Variants in TESMIN observed in about 807,000 individuals in gnomAD.
The protein encoded by TESMIN is testis expressed metallothionein like protein.
TESMIN carries 34 observed loss-of-function variants against 47.4 expected under a neutral mutation model. That is an observed-to-expected ratio of 0.72 (90% CI 0.55 to 0.96). The LOEUF (loss-of-function observed/expected upper bound fraction) is 0.96. TESMIN is among the 40% of genes least tolerant of loss of function. The probability of loss-of-function intolerance (pLI) is 0.00; values close to 1 mark genes in which losing one functional copy is unlikely to be tolerated. For synonymous variants in TESMIN, 278 were observed against 258.9 expected (o/e 1.07, Z -0.71); for missense variants, 610 against 637.2 (o/e 0.96, Z 0.46).
chr11:68,715,212 A>G (rs1946122847), intron 7 of TESMIN, among the ~76,000 whole-genome samples: 1 of 152,204 alleles, frequency 6.6e-6, no homozygotes. Context: ...GTAGGTTGAC[A>G]GCCTTGAGCC....
In TESMIN at chr11:68,710,971, T is replaced by C. The variant is rs1268758493; in HGVS notation, c.1237A>G (p.Met413Val). The change falls in exon 9 of 10, where the codon ATG (methionine) becomes GTG (valine). Residue 413 changes from methionine (M) to valine (V), a missense_variant. Physicochemically the swap from Met to Val is conservative, Grantham distance 21. Coordinates refer to ENST00000255087, the MANE Select transcript of TESMIN (RefSeq NM_004923.3). ...YEESPERKTLMSMPNYMQTGG... is the reference protein window; with the variant it reads ...YEESPERKTLVSMPNYMQTGG... ...GTCTGCATGTAGTTTGGCATGCTCA[T>C]TAGTGTCTTTCGTTCTGGGCTTTCT... 2 of 1,614,040 alleles carry C rather than the reference T, an allele frequency of 1.2e-6. No individual in the cohort carries two copies. Among genetic ancestry groups the C allele is most frequent in the Non-Finnish European group, 1.7e-6 (2 of 1,179,898 alleles).
chr11:68,733,036 G>GC (rs1170420319), intron 6 of TESMIN: 3 of 152,302 alleles, frequency 2.0e-5, no homozygotes. Context: ...AAAGTGAGCA[G>GC]CCCACAGCAA....
chr11:68,726,006 T>C (rs2153991383), intron 6 of TESMIN, among the ~76,000 whole-genome samples: 1 of 152,204 alleles, frequency 6.6e-6, no homozygotes, highest in South Asian at 2.1e-4. Context: ...AGGCGCTGGT[T>C]TTAACTGCTG....
intron 4 of TESMIN, among the ~76,000 whole-genome samples, chr11:68,743,234 C>CTT (rs57435562): frequency 0.046 from 5,712 of 122,928 alleles, 190 homozygotes; most frequent in South Asian, 0.089. Flanking sequence ...ACAGGAACTA[C>CTT]TTTTTTTTTT....
chr11:68,744,752 C>CA (rs1946497345), intron 4 of TESMIN: 2 of 310,218 alleles, frequency 6.4e-6, no homozygotes, highest in South Asian at 1.5e-4. Flanking sequence ...ACAAAGCTCT[C>CA]AGCAGCTAGG....
At chr11:68,747,063 C>A in intron 3 of TESMIN, 145 bp downstream of exon 3, 1 of 789,050 alleles carries the variant, frequency 1.3e-6, no homozygotes, top group East Asian at 2.6e-5. Context: ...GCTCATGTCC[C>A]TGTTTTGCTA....
intron 6 of TESMIN, among the ~76,000 whole-genome samples, chr11:68,729,669 T>C (rs562314483): frequency 6.6e-6 from 1 of 152,304 alleles, no homozygotes; most frequent in South Asian, 2.1e-4. Flanking sequence ...AATTGTTTCA[T>C]TACCATGATA....
At chr11:68,710,635 A>C in intron 9 of TESMIN, 1 of 486,142 alleles carries the variant, frequency 2.1e-6, no homozygotes, top group Non-Finnish European at 3.6e-6. Context: ...GGAGTAACTC[A>C]GACAGTGAGG....
At position 68,711,047 on chromosome 11, in the gene TESMIN, G is replaced by A. The variant is rs745657318; in HGVS notation, c.1161C>T (p.Ala387=). Residue 387 remains alanine, a splice_region_variant and synonymous_variant, in exon 9 of 10, where the codon GCC becomes GCT. Transcript: ENST00000255087. ...TGCAAATAGAAGAACACATAATTTG[G>A]GCCTGGTAATATAAAATGCTTCAAT... ...CLKNYCECYE[A]QIMCSSICKC... 1 of 1,596,626 alleles carries A rather than the reference G, an allele frequency of 6.3e-7. No individual in the cohort carries two copies. The highest frequency in any genetic ancestry group is 2.2e-5 in the East Asian group (1 of 44,598).
downstream of TESMIN, among the ~76,000 whole-genome samples, chr11:68,705,602 C>T (rs1465358149): frequency 6.6e-6 from 1 of 152,194 alleles, no homozygotes. Flanking sequence ...ATGATTTCTT[C>T]TCCGTGTCTA....
intron 7 of TESMIN, among the ~76,000 whole-genome samples, chr11:68,715,112 T>C (rs148497659): frequency 2.0e-5 from 3 of 152,344 alleles, no homozygotes; most frequent in Admixed American, 1.3e-4. Flanking sequence ...TATAATTGTG[T>C]TCTATTTGCA....
Position 68,722,909 on chromosome 11 carries a change from T to C in TESMIN, c.918-6970A>G, listed in dbSNP as rs141856604. Among the ~76,000 whole-genome samples the C allele has an allele frequency of 4.6e-5, 7 of 152,268 alleles. No homozygotes were observed. The East Asian group carries it at 1.3e-3, about 29-fold the overall frequency. ...TGACCTTCATGCTATAGATCTGAAA[T>C]ATATAAAGCAAAATAGAATTATAAG... is the stretch of plus-strand genomic sequence containing the variant. On this transcript the variant is annotated intron_variant, in intron 6 of 9. Transcript: ENST00000255087.
chr11:68,730,941 C>T lies in TESMIN; in HGVS notation c.917+7759G>A, dbSNP rs139834573. Among the ~76,000 whole-genome samples the T allele has an allele frequency of 3.3e-5, 5 of 152,276 alleles. No homozygotes were observed. In the East Asian group the frequency reaches 9.6e-4, roughly 29 times the overall value. On this transcript the variant is annotated intron_variant, in intron 6 of 9. Coordinates refer to ENST00000255087, the MANE Select transcript of TESMIN (RefSeq NM_004923.3). Reference sequence around the variant, plus strand: ...AAAAATAATTCCCAACTTTTTATGGCTACTGAAACAATAGCAACAAAAGGT... The same window carrying T: ...AAAAATAATTCCCAACTTTTTATGGTTACTGAAACAATAGCAACAAAAGGT...
At chr11:68,710,623 C>T (rs1395437132) in intron 9 of TESMIN, 12 of 447,444 alleles carry the variant, frequency 2.7e-5, no homozygotes, top group Admixed American at 1.2e-4. Flanking sequence ...TGGTACAAAA[C>T]GGGAGTAACT....
At chr11:68,736,807 G>T in intron 6 of TESMIN, 1 of 976,312 alleles carries the variant, frequency 1.0e-6, no homozygotes, top group Non-Finnish European at 1.2e-6. Context: ...AGGAGGAGGG[G>T]ACGAGAAGAG....
chr11:68,715,293 G>A (rs1471672050), intron 7 of TESMIN, among the ~76,000 whole-genome samples: 2 of 152,194 alleles, frequency 1.3e-5, no homozygotes, highest in African/African-American at 4.8e-5. Context: ...AAGCTCCTGT[G>A]TTTAGCCTTC....
At chr11:68,711,329 CGA>C (rs1566311336) in intron 8 of TESMIN, among the ~76,000 whole-genome samples, 5 of 146,952 alleles carry the variant, frequency 3.4e-5, no homozygotes, top group Admixed American at 2.0e-4. Flanking sequence ...GTGTGTGTGT[CGA>C]GTGTGCGTGT....
intron 9 of TESMIN, among the ~76,000 whole-genome samples, chr11:68,708,901 C>A (rs1303553222): frequency 1.3e-5 from 2 of 151,964 alleles, no homozygotes; most frequent in African/African-American, 4.8e-5. Context: ...CACAGGCATG[C>A]ACCACCACAC....
chr11:68,738,161 C>T (rs966925838), intron 6 of TESMIN: 10 of 986,044 alleles, frequency 1.0e-5, no homozygotes, highest in Non-Finnish European at 9.6e-6. Flanking sequence ...ACAAGACAGG[C>T]AAGAAATAGC....
Sources: allele counts gnomAD v4.1 joint callset (sites outside exome capture counted in the v4.1 genomes callset), GRCh38; gene constraint gnomAD v4.1.1; transcripts MANE v1.5; gene names NCBI Gene and HGNC (gene_info 2026-07-23, HGNC 2026-07-21).